The following ACOXL variants were observed in gnomAD, a reference collection of about 807,000 sequenced individuals.
ACOXL encodes the protein acyl-CoA oxidase like, also known as acyl-coenzyme A oxidase-like protein.
ACOXL carries 70 observed loss-of-function variants against 71.9 expected under a neutral mutation model. The observed-to-expected ratio is 0.97, with a 90% CI of 0.80 to 1.19. ACOXL has a LOEUF of 1.19. Among genes scored for constraint, ACOXL ranks in the 50% most tolerant of loss-of-function variants. The probability of loss-of-function intolerance (pLI) is 0.00; values close to 1 mark genes in which losing one functional copy is unlikely to be tolerated. For synonymous variants in ACOXL, 253 were observed against 281.6 expected (o/e 0.90, Z 1.02); for missense variants, 703 against 736.3 (o/e 0.95, Z 0.52).
chr2:110,770,144 T>C (rs1396468514), intron 2 of ACOXL, among the ~76,000 whole-genome samples: 1 of 152,192 alleles, frequency 6.6e-6, no homozygotes, highest in Non-Finnish European at 1.5e-5. Flanking sequence ...AGCGGCATGC[T>C]GAGGAGCCGA....
chr2:110,818,335 A>G (rs1272500357), intron 9 of ACOXL, among the ~76,000 whole-genome samples: 1 of 149,086 alleles, frequency 6.7e-6, no homozygotes, highest in African/African-American at 2.5e-5. Context: ...CAGAGGTTGC[A>G]GTGAGCCGAG....
At chr2:110,970,328 C>T (rs1395409549) in intron 12 of ACOXL, among the ~76,000 whole-genome samples, 3 of 152,138 alleles carry the variant, frequency 2.0e-5, no homozygotes, top group Non-Finnish European at 2.9e-5. Context: ...TGCAAGTATG[C>T]TTCAACATTC....
chr2:110,803,643 C>T (rs150479727), intron 8 of ACOXL, among the ~76,000 whole-genome samples: 1,979 of 152,234 alleles, frequency 0.013, 24 homozygotes, highest in Middle Eastern at 0.027. Flanking sequence ...AAAAGCACAA[C>T]TAACCAAAGA....
At chr2:110,938,677 TTGAATGAA>T (rs200189089) in intron 12 of ACOXL, among the ~76,000 whole-genome samples, 2 of 151,876 alleles carry the variant, frequency 1.3e-5, no homozygotes, top group Non-Finnish European at 2.9e-5. Context: ...TGCACAGACA[TTGAATGAA>T]TGAATGAATG....
intron 11 of ACOXL, among the ~76,000 whole-genome samples, chr2:110,926,212 A>G (rs1347562914): frequency 6.6e-6 from 1 of 152,244 alleles, no homozygotes; most frequent in Non-Finnish European, 1.5e-5. Context: ...CCAAAACGTC[A>G]CAAAGACACA....
chr2:110,796,839 CAT>C (rs1269289467), intron 5 of ACOXL, among the ~76,000 whole-genome samples: 6 of 152,238 alleles, frequency 3.9e-5, no homozygotes, highest in African/African-American at 1.4e-4. Flanking sequence ...CCTGTGCAAA[CAT>C]ATGTCAGAGA....
chr2:111,101,539 T>C (rs897168664), intron 17 of ACOXL, among the ~76,000 whole-genome samples: 15 of 151,910 alleles, frequency 9.9e-5, no homozygotes, highest in Non-Finnish European at 2.2e-4. Flanking sequence ...TAACATGAAC[T>C]AAGGTTTAGG....
chr2:110,773,044 C>A (rs1682164189), intron 2 of ACOXL, among the ~76,000 whole-genome samples: 1 of 152,130 alleles, frequency 6.6e-6, no homozygotes, highest in Non-Finnish European at 1.5e-5. Context: ...CTTTGGAATC[C>A]TCAGAAAAGG....
At chr2:111,000,952 A>T (rs1046640044) in intron 14 of ACOXL, among the ~76,000 whole-genome samples, 1 of 152,250 alleles carries the variant, frequency 6.6e-6, no homozygotes, top group Non-Finnish European at 1.5e-5. Context: ...AAATTAAAAA[A>T]TTAAAATGGC....
At chr2:110,785,051 A>G (rs946590311) in intron 3 of ACOXL, among the ~76,000 whole-genome samples, 3 of 151,712 alleles carry the variant, frequency 2.0e-5, no homozygotes, top group Non-Finnish European at 4.4e-5. Flanking sequence ...TCAATTGGTT[A>G]TTTTCCTTTG....
In ACOXL at chr2:110,833,454, C is replaced by T. The variant is rs374321361; in HGVS notation, c.754-7917C>T. Among the ~76,000 whole-genome samples, 35 of 152,114 alleles carry T rather than the reference C, an allele frequency of 2.3e-4. 2 individuals carry two copies. The highest frequency in any genetic ancestry group is 8.5e-4 in the Admixed American group (13 of 15,270). On this transcript the variant is annotated intron_variant, in intron 9 of 17. Coordinates refer to ENST00000439055, the MANE Select transcript of ACOXL (RefSeq NM_001142807.4). The stretch of plus-strand genomic sequence containing the variant: ...GCAGGAAAGTAGGTGTGGCTACACA[C>T]GGTCACCATGAGGGATGCTTGCGGG...
chr2:110,821,991 G>A (rs562540088), intron 9 of ACOXL, among the ~76,000 whole-genome samples: 2 of 151,882 alleles, frequency 1.3e-5, no homozygotes, highest in Non-Finnish European at 2.9e-5. Context: ...GTGTGTGTAT[G>A]TGCATGTATA....
chr2:110,893,342 A>C (rs1317247456), intron 10 of ACOXL, among the ~76,000 whole-genome samples: 1 of 150,366 alleles, frequency 6.7e-6, no homozygotes, highest in Non-Finnish European at 1.5e-5. Flanking sequence ...ATAGCTAATA[A>C]TTAATATGCA....
chr2:111,117,530 G>C, intron 17 of ACOXL, 86 bp from the exon 18 acceptor site: 1 of 1,385,818 alleles, frequency 7.2e-7, no homozygotes, highest in Non-Finnish European at 1.0e-6. Context: ...TGTGTGTGCG[G>C]GTGCTTGGTG....
intron 10 of ACOXL, among the ~76,000 whole-genome samples, chr2:110,889,779 G>C (rs1233910111): frequency 6.6e-6 from 1 of 152,084 alleles, no homozygotes; most frequent in African/African-American, 2.4e-5. Context: ...TTTTTGGCTA[G>C]TGTGAATATG....
chr2:110,900,633 G>T (rs2059197364), intron 10 of ACOXL, among the ~76,000 whole-genome samples: 2 of 152,202 alleles, frequency 1.3e-5, no homozygotes, highest in Non-Finnish European at 2.9e-5. Context: ...GTGGGGATAT[G>T]ATGTTGACTT....
intron 11 of ACOXL, among the ~76,000 whole-genome samples, chr2:110,910,093 A>G (rs1382956022): frequency 6.6e-6 from 1 of 152,134 alleles, no homozygotes; most frequent in Non-Finnish European, 1.5e-5. Context: ...ACCAAATACA[A>G]AACATTTCCA....
chr2:110,761,362 T>A lies in ACOXL; in HGVS notation c.-22-7006T>A, dbSNP rs148511394. 2.4e-3 allele frequency among the ~76,000 whole-genome samples: 359 copies of A among 152,326 alleles called. 2 individuals are homozygous for A. Among genetic ancestry groups the A allele is most frequent in the African/African-American group, 8.4e-3 (349 of 41,568 alleles). On this transcript the variant is annotated intron_variant, in intron 1 of 17. Coordinates refer to ENST00000439055, the MANE Select transcript of ACOXL (RefSeq NM_001142807.4). ...CTGGTTCTGAGAATGTTGATTAATA[T>A]CAACTCCCAATTGAACATTTCTCCT...
chr2:110,754,850 C>T (rs1679460472), intron 1 of ACOXL, among the ~76,000 whole-genome samples: 1 of 152,112 alleles, frequency 6.6e-6, no homozygotes, highest in Non-Finnish European at 1.5e-5. Context: ...GGGTGTATAC[C>T]TGGGATTGCG....
Sources: gnomAD v4.1 joint callset for allele counts (sites outside exome capture counted in the v4.1 genomes callset) on GRCh38, gnomAD v4.1.1 for gene constraint, MANE v1.5 for transcripts, NCBI Gene and HGNC (gene_info 2026-07-23, HGNC 2026-07-21) for gene names.